The following PAWR variants were observed in gnomAD, a reference collection of about 807,000 sequenced individuals.
The protein encoded by PAWR is pro-apoptotic WT1 regulator.
A neutral mutation model predicts 32.0 loss-of-function variants in PAWR; 23 were observed. The ratio of observed to expected loss-of-function variants is 0.72; its 90% confidence interval spans 0.52 to 1.02. The LOEUF is 1.02. Ranked by LOEUF, PAWR falls within the 50% of genes least tolerant of loss-of-function variation. PAWR has a pLI of 0.00. For synonymous variants in PAWR, 226 were observed against 187.1 expected (o/e 1.21, Z -1.70); for missense variants, 457 against 437.7 (o/e 1.04, Z -0.39).
Position 79,689,819 on chromosome 12 carries a change from G to A in PAWR, c.426C>T (p.Pro142=), listed in dbSNP as rs771444939. 9.4e-6 allele frequency: 15 copies of A among 1,594,638 alleles called. No homozygotes were observed. The Admixed American group carries it at 2.4e-4, about 26-fold the overall frequency. The change falls in exon 2 of 7, where the codon CCC becomes CCT. Residue 142 remains proline (P), a synonymous_variant. Transcript: ENST00000328827. ...GVPEKGKSSG[P]SARKGKGQIE... ...TCTGCCCCTTGCCTTTCCTGGCACT[G>A]GGGCCCGAGCTCTTGCCCTTCTCTG...
chr12:79,593,058 G>A (rs1873613700), intron 6 of PAWR, among the ~76,000 whole-genome samples: 1 of 151,638 alleles, frequency 6.6e-6, no homozygotes, highest in South Asian at 2.1e-4. Flanking sequence ...AACTACCCAT[G>A]CAAGCCATAT....
In PAWR at chr12:79,689,875, G is replaced by A. The variant is rs933118447; in HGVS notation, c.370C>T (p.Gln124Ter). 1 of 1,560,622 alleles carries A rather than the reference G, an allele frequency of 6.4e-7. No individual in the cohort carries two copies. ...AASASAAPPPQRDEEEPDGVP... is the reference protein window; with the variant it reads ...AASASAAPPP ...CCGTCCGGCTCCTCCTCGTCACGCT[G>A]GGGCGGCGGTGCAGCCGAGGCAGAG... Residue 124 changes from glutamine (Q) to a stop codon, truncating the protein, a stop_gained, in exon 2 of 7, where the codon CAG becomes TAG. Coordinates refer to ENST00000328827, the MANE Select transcript of PAWR (RefSeq NM_002583.4). LOFTEE classifies it high-confidence loss of function.
intron 3 of PAWR, among the ~76,000 whole-genome samples, chr12:79,616,563 T>C (rs1026028062): frequency 2.0e-5 from 3 of 152,198 alleles, no homozygotes; most frequent in Non-Finnish European, 2.9e-5. Context: ...GAGGGCATTT[T>C]CAGCAACTCT....
At chr12:79,598,294 C>T (rs1425001804) in intron 4 of PAWR, among the ~76,000 whole-genome samples, 1 of 152,132 alleles carries the variant, frequency 6.6e-6, no homozygotes. Flanking sequence ...GACAATGCTA[C>T]TCAACAAGGG....
chr12:79,649,088 T>C (rs189052430), intron 2 of PAWR, among the ~76,000 whole-genome samples: 3 of 152,334 alleles, frequency 2.0e-5, no homozygotes, highest in African/African-American at 4.8e-5. Flanking sequence ...ATTCCTTAAC[T>C]GGAAGCCAAT....
At chr12:79,659,933 T>C (rs1292377506) in intron 2 of PAWR, among the ~76,000 whole-genome samples, 2 of 152,012 alleles carry the variant, frequency 1.3e-5, no homozygotes, top group Non-Finnish European at 2.9e-5. Flanking sequence ...AGTAAAGACA[T>C]GGAAAAAAAG....
At chr12:79,645,282 C>A (rs1876520979) in intron 2 of PAWR, among the ~76,000 whole-genome samples, 1 of 152,110 alleles carries the variant, frequency 6.6e-6, no homozygotes, top group Non-Finnish European at 1.5e-5. Flanking sequence ...TTGGACCAAA[C>A]TACTAAGAAA....
At chr12:79,614,276 C>T (rs575470587) in intron 3 of PAWR, among the ~76,000 whole-genome samples, 1 of 151,560 alleles carries the variant, frequency 6.6e-6, no homozygotes, top group Non-Finnish European at 1.5e-5. Context: ...TCCCAAAGTG[C>T]TGGGATTACA....
chr12:79,640,974 G>A (rs57193431), intron 2 of PAWR, among the ~76,000 whole-genome samples: 1,676 of 152,190 alleles, frequency 0.011, 39 homozygotes, highest in African/African-American at 0.038. Context: ...CTGTTACATT[G>A]GCGGTGGTTA....
At position 79,589,212 on chromosome 12, in the gene PAWR, T is replaced by G. The variant is rs942343265; in HGVS notation, c.*3395A>C. On this transcript the variant is annotated 3_prime_UTR_variant, in exon 7 of 7. Coordinates refer to ENST00000328827, the MANE Select transcript of PAWR (RefSeq NM_002583.4). ...AGAAAGATACCTATCACTGTACATA[T>G]GAATACTGTCCAGGATATCAGATCA... 6.6e-6 allele frequency: 1 copy of G among 151,978 alleles called. No homozygotes were observed. The highest frequency in any genetic ancestry group is 6.6e-5 in the Admixed American group (1 of 15,260). 9.4% of individuals were successfully genotyped at this position (151,978 alleles called of 1,614,324 possible).
Position 79,585,087 on chromosome 12 carries a change from A to G in PAWR, c.*7520T>C, listed in dbSNP as rs765791518. On this transcript the variant is annotated 3_prime_UTR_variant, in exon 7 of 7. Transcript: ENST00000328827. Reference sequence around the variant, plus strand: ...TAATGGGGGTTATGTCAGGATGCCAATGTCCATGCTGAGGCTTCTCCTGAT... The same window carrying G: ...TAATGGGGGTTATGTCAGGATGCCAGTGTCCATGCTGAGGCTTCTCCTGAT... 23 of 427,558 alleles carry G rather than the reference A, an allele frequency of 5.4e-5. No homozygotes were observed. Among genetic ancestry groups the G allele is most frequent in the Non-Finnish European group, 1.1e-4 (23 of 217,948 alleles). 26.5% of individuals were successfully genotyped at this position (427,558 alleles called of 1,614,324 possible).
intron 2 of PAWR, among the ~76,000 whole-genome samples, chr12:79,639,833 CATTCCT>C (rs200677061): frequency 0.1 from 12,704 of 124,466 alleles, 1,015 homozygotes; most frequent in Middle Eastern, 0.28. Flanking sequence ...TTTCCTTTTC[CATTCCT>C]ATTCCTATTC....
chr12:79,634,536 G>GAC (rs1875868789), intron 2 of PAWR, among the ~76,000 whole-genome samples: 1 of 152,174 alleles, frequency 6.6e-6, no homozygotes, highest in South Asian at 2.1e-4. Context: ...TTGTTGAATA[G>GAC]TGCAGTCAGA....
At position 79,596,667 on chromosome 12, in the gene PAWR, A is replaced by G; in HGVS notation, c.684-9T>C. 6.5e-7 allele frequency: 1 copy of G among 1,544,942 alleles called. No individual in the cohort carries two copies. Among genetic ancestry groups the G allele is most frequent in the Non-Finnish European group, 8.7e-7 (1 of 1,147,958 alleles). On this transcript the variant is annotated splice_polypyrimidine_tract_variant and intron_variant, in intron 4 of 6. Transcript: ENST00000328827. ...CAGAGACACTGGTTGTGCTGTGGAA[A>G]TATAAACATTTTATTAAAATCCCTA...
chr12:79,644,231 T>C (rs932520178), intron 2 of PAWR, among the ~76,000 whole-genome samples: 5 of 152,134 alleles, frequency 3.3e-5, no homozygotes, highest in African/African-American at 1.2e-4. Context: ...AACAAGACTT[T>C]TATAAGAAAG....
rs199741481 is a variant in PAWR at position 79,604,347 on chromosome 12, CT to C, written c.684-7690del. On this transcript the variant is annotated intron_variant, in intron 4 of 6. Transcript: ENST00000328827. ...CCACCCCTTACTGGAAGTTTTCCCC[CT>C]CTGGGAATTTTCGCATCTTATGTAG... 4.9e-3 allele frequency: 4,925 copies of C among 1,005,470 alleles called. 22 individuals are homozygous for C. Among genetic ancestry groups the C allele is most frequent in the Middle Eastern group, 0.012 (24 of 2,004 alleles). 62.3% of individuals were successfully genotyped at this position (1,005,470 alleles called of 1,614,324 possible). A position where few individuals can be genotyped will look rare whatever the true frequency, so the allele number is the denominator to read the frequency against.
chr12:79,590,516 T>C lies in PAWR; in HGVS notation c.*2091A>G, dbSNP rs889428745. 5.9e-5 allele frequency: 7 copies of C among 119,194 alleles called. No homozygotes were observed. Among genetic ancestry groups the C allele is most frequent in the Non-Finnish European group, 9.8e-5 (5 of 50,958 alleles). 7.4% of individuals were successfully genotyped at this position (119,194 alleles called of 1,614,324 possible). Reference sequence around the variant, plus strand: ...GCACCCAGCCTAATAACTGATATAATTTTTTTAAGTGAAATGAAATGTTCC... The same window carrying C: ...GCACCCAGCCTAATAACTGATATAACTTTTTTAAGTGAAATGAAATGTTCC... On this transcript the variant is annotated 3_prime_UTR_variant, in exon 7 of 7. Coordinates refer to ENST00000328827, the MANE Select transcript of PAWR (RefSeq NM_002583.4).
intron 4 of PAWR, among the ~76,000 whole-genome samples, chr12:79,603,058 A>G (rs1240979071): frequency 6.6e-6 from 1 of 152,106 alleles, no homozygotes; most frequent in Non-Finnish European, 1.5e-5. Flanking sequence ...TCTGGACAAC[A>G]TAATGAGACT....
intron 6 of PAWR, among the ~76,000 whole-genome samples, chr12:79,593,519 T>C (rs993427333): frequency 3.3e-5 from 5 of 151,836 alleles, no homozygotes; most frequent in African/African-American, 7.3e-5. Context: ...AGCAGACATT[T>C]ATAGATTTAT....
Sources: allele counts gnomAD v4.1 joint callset (sites outside exome capture counted in the v4.1 genomes callset), GRCh38; gene constraint gnomAD v4.1.1; transcripts MANE v1.5; gene names NCBI Gene and HGNC (gene_info 2026-07-23, HGNC 2026-07-21).